CPQ: variants seen among roughly 807,000 people sequenced by gnomAD.
CPQ encodes carboxypeptidase Q.
CPQ carries 37 observed loss-of-function variants against 45.7 expected under a neutral mutation model. That is an observed-to-expected ratio of 0.81 (90% CI 0.62 to 1.07). The LOEUF (loss-of-function observed/expected upper bound fraction) is 1.07, where lower values mean the gene tolerates loss of function less well. Ranked by LOEUF, CPQ falls within the 50% of genes least tolerant of loss-of-function variation. The pLI is 0.00. For synonymous variants in CPQ, 186 were observed against 205.8 expected (o/e 0.90, Z 0.82); for missense variants, 537 against 572.9 (o/e 0.94, Z 0.64).
At chr8:97,016,111 A>C (rs1390741107) in intron 5 of CPQ, among the ~76,000 whole-genome samples, 1 of 152,138 alleles carries the variant, frequency 6.6e-6, no homozygotes, top group East Asian at 1.9e-4. Context: ...AATTAAAGAG[A>C]GCTCCCAGAG....
chr8:96,914,031 G>GT (rs1323647218), intron 4 of CPQ, among the ~76,000 whole-genome samples: 2 of 151,880 alleles, frequency 1.3e-5, no homozygotes, highest in Non-Finnish European at 2.9e-5. Context: ...GTTGAGATAT[G>GT]TAGACAAAAC....
chr8:97,132,409 G>T (rs1048916341), intron 7 of CPQ, among the ~76,000 whole-genome samples: 11 of 152,192 alleles, frequency 7.2e-5, no homozygotes, highest in African/African-American at 2.7e-4. Flanking sequence ...AATTTGGTCA[G>T]AAACAGCATT....
chr8:96,779,612 A>G (rs1019669378), intron 1 of CPQ, among the ~76,000 whole-genome samples: 4 of 152,146 alleles, frequency 2.6e-5, no homozygotes, highest in African/African-American at 4.8e-5. Flanking sequence ...TATCTCTACA[A>G]TGGTGTCATT....
chr8:96,799,853 C>A (rs1289169849), intron 2 of CPQ, among the ~76,000 whole-genome samples: 1 of 152,118 alleles, frequency 6.6e-6, no homozygotes, highest in African/African-American at 2.4e-5. Flanking sequence ...TTCCCAGTAG[C>A]CTTCCCTCTT....
chr8:96,793,579 C>T (rs181223315), intron 2 of CPQ, among the ~76,000 whole-genome samples: 1 of 152,184 alleles, frequency 6.6e-6, no homozygotes, highest in East Asian at 1.9e-4. Flanking sequence ...CTGACTTGGC[C>T]CCTCCAAAAT....
At chr8:96,701,770 G>C (rs1809465707) in intron 1 of CPQ, among the ~76,000 whole-genome samples, 1 of 152,142 alleles carries the variant, frequency 6.6e-6, no homozygotes, top group African/African-American at 2.4e-5. Context: ...GGGATTTTCG[G>C]GTTGCCAGCT....
At chr8:96,899,658 C>T (rs964650051) in intron 4 of CPQ, among the ~76,000 whole-genome samples, 3 of 152,078 alleles carry the variant, frequency 2.0e-5, no homozygotes, top group African/African-American at 7.2e-5. Context: ...CTCATGAAAA[C>T]TCACTCACTA....
At chr8:96,976,266 A>AC (rs1385322717) in intron 5 of CPQ, among the ~76,000 whole-genome samples, 17 of 150,838 alleles carry the variant, frequency 1.1e-4, no homozygotes, top group Non-Finnish European at 2.4e-4. Flanking sequence ...AAAAAAAAAA[A>AC]AAAAAACCTT....
At chr8:96,819,031 A>G (rs1811265131) in intron 2 of CPQ, among the ~76,000 whole-genome samples, 1 of 152,042 alleles carries the variant, frequency 6.6e-6, no homozygotes, top group Non-Finnish European at 1.5e-5. Context: ...AGCTGGTTAC[A>G]TTACTTTCAA....
intron 3 of CPQ, among the ~76,000 whole-genome samples, chr8:96,850,175 T>G (rs2130859444): frequency 6.6e-6 from 1 of 152,302 alleles, no homozygotes; most frequent in South Asian, 2.1e-4. Context: ...TTGATAGGGC[T>G]TTTAGCAGAG....
intron 3 of CPQ, among the ~76,000 whole-genome samples, chr8:96,862,863 A>G (rs1811945605): frequency 6.6e-6 from 1 of 152,002 alleles, no homozygotes; most frequent in Non-Finnish European, 1.5e-5. Flanking sequence ...CTTCTTCTTT[A>G]TCACTTCCTC....
intron 4 of CPQ, among the ~76,000 whole-genome samples, chr8:96,954,318 A>G (rs996510667): frequency 6.6e-6 from 1 of 152,068 alleles, no homozygotes; most frequent in Non-Finnish European, 1.5e-5. Context: ...CAATCGACTA[A>G]TGAGATTTAA....
intron 7 of CPQ, among the ~76,000 whole-genome samples, chr8:97,119,422 C>A (rs1470059063): frequency 7.0e-6 from 1 of 142,116 alleles, no homozygotes; most frequent in Non-Finnish European, 1.5e-5. Context: ...TTTATTGTTT[C>A]TGATTCTGTT....
intron 1 of CPQ, among the ~76,000 whole-genome samples, chr8:96,715,759 G>A (rs1409106530): frequency 6.6e-6 from 1 of 152,178 alleles, no homozygotes; most frequent in Non-Finnish European, 1.5e-5. Flanking sequence ...TGTCCCATGG[G>A]GTGCTCCCTT....
At chr8:96,694,362 T>C (rs928359069) in intron 1 of CPQ, among the ~76,000 whole-genome samples, 1 of 151,850 alleles carries the variant, frequency 6.6e-6, no homozygotes, top group Non-Finnish European at 1.5e-5. Flanking sequence ...CCCAATTATC[T>C]GTTACCTGCT....
intron 5 of CPQ, 130 bp downstream of exon 5, chr8:96,966,176 A>T (rs1325766902): frequency 3.3e-6 from 2 of 612,962 alleles, no homozygotes. Context: ...GTTGATTCCC[A>T]GAAAAGAAAC....
intron 5 of CPQ, among the ~76,000 whole-genome samples, chr8:96,981,660 G>C (rs764335230): frequency 6.6e-6 from 1 of 152,192 alleles, no homozygotes; most frequent in Non-Finnish European, 1.5e-5. Context: ...AAACCTTACA[G>C]TATTTTGTTG....
At chr8:96,838,475 A>G (rs1811560673) in intron 3 of CPQ, among the ~76,000 whole-genome samples, 1 of 152,086 alleles carries the variant, frequency 6.6e-6, no homozygotes, top group Admixed American at 6.5e-5. Context: ...CTAGGCCTGG[A>G]TATGGCACAC....
chr8:96,707,861 T>C (rs1232922780), intron 1 of CPQ, among the ~76,000 whole-genome samples: 2 of 152,076 alleles, frequency 1.3e-5, no homozygotes, highest in Admixed American at 1.3e-4. Context: ...TTCTGAATGC[T>C]GTCTATGTTT....
Sources: gnomAD v4.1 joint callset for allele counts (sites outside exome capture counted in the v4.1 genomes callset) on GRCh38, gnomAD v4.1.1 for gene constraint, MANE v1.5 for transcripts, NCBI Gene and HGNC (gene_info 2026-07-23, HGNC 2026-07-21) for gene names.